GCSAML: variants seen among roughly 807,000 people sequenced by gnomAD.
GCSAML encodes the protein germinal center associated signaling and motility like, also known as germinal center-associated signaling and motility-like protein.
A neutral mutation model predicts 13.0 loss-of-function variants in GCSAML; 9 were observed. That is an observed-to-expected ratio of 0.69 (90% CI 0.42 to 1.21). The LOEUF is 1.21. Ranked by LOEUF, GCSAML falls within the 50% of genes most tolerant of loss-of-function variation. The pLI is 0.00. For missense variants in GCSAML, 143 were observed against 153.4 expected (o/e 0.93, Z 0.36); for synonymous variants, 37 against 52.9 (o/e 0.70, Z 1.31).
chr1:247,528,914 G>T (rs1347847790), intron 2 of GCSAML: 5 of 152,114 alleles, frequency 3.3e-5, no homozygotes, highest in African/African-American at 1.2e-4. Context: ...GATGGATCTT[G>T]GTGGTATGGT....
In GCSAML at chr1:247,511,198, G is replaced by A. The variant is rs193028010; in HGVS notation, c.-263+3965G>A. On this transcript the variant is annotated intron_variant, in intron 1 of 5. Transcript: ENST00000366489. ...AAGAACTTGCTTTATGAATCTGGGC[G>A]CTCCTATATTGGGTGCATATATATT... is the stretch of plus-strand genomic sequence containing the variant. 7.6e-3 allele frequency among the ~76,000 whole-genome samples: 1,150 copies of A among 152,176 alleles called. 10 individuals carry two copies. The highest frequency in any genetic ancestry group is 6.7e-3 in the African/African-American group (280 of 41,516).
intron 3 of GCSAML, 108 bp downstream of exon 3, chr1:247,563,747 G>A: frequency 1.9e-6 from 1 of 534,062 alleles, no homozygotes; most frequent in South Asian, 3.4e-5. Flanking sequence ...AGAAGAGGCT[G>A]CTTGGAGTTC....
intron 2 of GCSAML, among the ~76,000 whole-genome samples, chr1:247,537,069 C>G (rs942075737): frequency 6.6e-6 from 1 of 152,188 alleles, no homozygotes; most frequent in Non-Finnish European, 1.5e-5. Flanking sequence ...TATCAAGCGT[C>G]AGAACTTTTT....
intron 1 of GCSAML, among the ~76,000 whole-genome samples, chr1:247,510,864 G>C (rs1666013155): frequency 6.6e-6 from 1 of 152,146 alleles, no homozygotes; most frequent in Non-Finnish European, 1.5e-5. Flanking sequence ...CTGAGAGACT[G>C]TTTGTTATGA....
At chr1:247,516,084 A>T (rs1413097580) in intron 1 of GCSAML, among the ~76,000 whole-genome samples, 1 of 152,174 alleles carries the variant, frequency 6.6e-6, no homozygotes, top group African/African-American at 2.4e-5. Flanking sequence ...AATGAGTGAT[A>T]GATGATGCAA....
chr1:247,534,456 CAG>C (rs1667135281), intron 2 of GCSAML, among the ~76,000 whole-genome samples: 1 of 152,144 alleles, frequency 6.6e-6, no homozygotes, highest in African/African-American at 2.4e-5. Flanking sequence ...TTGGAACTGC[CAG>C]AGTCATGCAG....
chr1:247,563,969 A>G (rs951034463), intron 3 of GCSAML, among the ~76,000 whole-genome samples: 1 of 151,550 alleles, frequency 6.6e-6, no homozygotes, highest in Non-Finnish European at 1.5e-5. Context: ...GTCCCACCCT[A>G]TCGCCCAGGC....
intron 2 of GCSAML, among the ~76,000 whole-genome samples, chr1:247,538,100 C>A (rs995042314): frequency 6.6e-6 from 1 of 152,118 alleles, no homozygotes; most frequent in African/African-American, 2.4e-5. Context: ...TCTATGATTA[C>A]TTCTAAGAGT....
At chr1:247,512,161 G>A (rs888857611) in intron 1 of GCSAML, among the ~76,000 whole-genome samples, 7 of 151,964 alleles carry the variant, frequency 4.6e-5, no homozygotes, top group Non-Finnish European at 2.9e-5. Context: ...TGTAGGTTTG[G>A]TCTTTTTACG....
At chr1:247,566,133 TTG>T (rs1668348076) in intron 4 of GCSAML, among the ~76,000 whole-genome samples, 174 bp downstream of exon 4, 1 of 152,204 alleles carries the variant, frequency 6.6e-6, no homozygotes, top group African/African-American at 2.4e-5. Context: ...TATATGGCAA[TTG>T]TAATGCAGAA....
At chr1:247,561,799 G>A (rs1572362640) in intron 2 of GCSAML, among the ~76,000 whole-genome samples, 1 of 152,126 alleles carries the variant, frequency 6.6e-6, no homozygotes, top group African/African-American at 2.4e-5. Context: ...AGATAAAATT[G>A]CGTGTATGCG....
exon 1 of GCSAML, chr1:247,507,134 A>G (rs1206462706): frequency 1.3e-5 from 2 of 152,228 alleles, no homozygotes; most frequent in African/African-American, 4.8e-5. Flanking sequence ...AATGACAAAT[A>G]TGAGCCTGAA....
chr1:247,569,565 C>T (rs555271845), intron 4 of GCSAML, among the ~76,000 whole-genome samples: 8 of 152,276 alleles, frequency 5.3e-5, no homozygotes, highest in Middle Eastern at 6.8e-3. Flanking sequence ...CCGACTTGAT[C>T]GTGGTGGATA....
intron 2 of GCSAML, among the ~76,000 whole-genome samples, chr1:247,535,382 C>T (rs534702770): frequency 6.6e-6 from 1 of 152,250 alleles, no homozygotes; most frequent in Admixed American, 6.5e-5. Context: ...ATGTTTTCAT[C>T]ATGTGAATGT....
chr1:247,531,417 CTCCTT>C, intron 2 of GCSAML: 1 of 845,408 alleles, frequency 1.2e-6, no homozygotes, highest in Non-Finnish European at 1.9e-6. Context: ...CATGAGCACA[CTCCTT>C]TCAGATTTCC....
intron 1 of GCSAML, among the ~76,000 whole-genome samples, chr1:247,517,917 G>A (rs1666270070): frequency 6.6e-6 from 1 of 152,218 alleles, no homozygotes; most frequent in African/African-American, 2.4e-5. Flanking sequence ...GGGTTCTGGA[G>A]AGGCCAAAGC....
chr1:247,561,408 T>C (rs1269563759), intron 2 of GCSAML, among the ~76,000 whole-genome samples: 1 of 152,220 alleles, frequency 6.6e-6, no homozygotes, highest in African/African-American at 2.4e-5. Flanking sequence ...ACATTACAAT[T>C]CTTTTCTTCC....
chr1:247,519,640 TG>T (rs1414528615), intron 1 of GCSAML, among the ~76,000 whole-genome samples: 1 of 152,226 alleles, frequency 6.6e-6, no homozygotes, highest in African/African-American at 2.4e-5. Flanking sequence ...TAGCATAAAA[TG>T]GATTAGAAAA....
intron 2 of GCSAML, among the ~76,000 whole-genome samples, chr1:247,537,240 G>T (rs1187374078): frequency 6.6e-6 from 1 of 152,004 alleles, no homozygotes; most frequent in East Asian, 1.9e-4. Flanking sequence ...TATTGTGTCT[G>T]GTTTCTTTCA....
Sources: gnomAD v4.1 joint callset for allele counts (sites outside exome capture counted in the v4.1 genomes callset) on GRCh38, gnomAD v4.1.1 for gene constraint, MANE v1.5 for transcripts, NCBI Gene and HGNC (gene_info 2026-07-23, HGNC 2026-07-21) for gene names.